RAB27B: variants seen among roughly 807,000 people sequenced by gnomAD.
RAB27B encodes RAB27B, member RAS oncogene family.
RAB27B carries 15 observed loss-of-function variants against 24.6 expected under a neutral mutation model. That is an observed-to-expected ratio of 0.61 (90% CI 0.41 to 0.94). The LOEUF (loss-of-function observed/expected upper bound fraction) is 0.94, where lower values mean the gene tolerates loss of function less well. RAB27B is among the 40% of genes least tolerant of loss of function. The pLI is 0.00. For synonymous variants in RAB27B, 105 were observed against 92.5 expected (o/e 1.14, Z -0.78); for missense variants, 261 against 266.8 (o/e 0.98, Z 0.15).
chr18:54,790,113 G>GA (rs1031756965), intron 2 of RAB27B, among the ~76,000 whole-genome samples: 4 of 151,170 alleles, frequency 2.6e-5, no homozygotes, highest in Non-Finnish European at 4.4e-5. Flanking sequence ...CCATTGTCAG[G>GA]AAAAAAAAGA....
At chr18:54,833,423 C>T (rs1287367268) in intron 1 of RAB27B, among the ~76,000 whole-genome samples, 1 of 151,964 alleles carries the variant, frequency 6.6e-6, no homozygotes, top group East Asian at 1.9e-4. Context: ...GGTAGGGTTT[C>T]ACCATATTGG....
chr18:54,806,961 C>T (rs1279466874), intron 2 of RAB27B, among the ~76,000 whole-genome samples: 1 of 151,940 alleles, frequency 6.6e-6, no homozygotes, highest in Non-Finnish European at 1.5e-5. Context: ...GGCTGGAGTC[C>T]AGTGGCACAA....
chr18:54,840,484 G>C (rs1911064929), intron 1 of RAB27B, among the ~76,000 whole-genome samples: 1 of 152,138 alleles, frequency 6.6e-6, no homozygotes, highest in Admixed American at 6.5e-5. Flanking sequence ...AGTTGTACAA[G>C]AAGAATTTGG....
chr18:54,775,009 G>A (rs1344080119), intron 2 of RAB27B, among the ~76,000 whole-genome samples: 1 of 152,226 alleles, frequency 6.6e-6, no homozygotes, highest in Non-Finnish European at 1.5e-5. Context: ...AAAAAAGCCT[G>A]TGTGCTGTCG....
At chr18:54,730,352 C>G (rs968540070) in intron 2 of RAB27B, among the ~76,000 whole-genome samples, 2 of 152,182 alleles carry the variant, frequency 1.3e-5, no homozygotes, top group African/African-American at 2.4e-5. Flanking sequence ...ATGGACTGCG[C>G]CTTCCGACAA....
rs79941548 is a variant in RAB27B, at chr18:54,837,538, C to A, written c.-20+8838C>A. Among the ~76,000 whole-genome samples, 1,011 of 152,080 alleles carry A rather than the reference C, an allele frequency of 6.6e-3. 6 individuals are homozygous for A. Among genetic ancestry groups the A allele is most frequent in the African/African-American group, 0.024 (982 of 41,494 alleles). ...AAGAAAATGACTCTTGAAATCTAGA[C>A]CTCTCAGGAGAGGTCAGGCTGGTGA... On this transcript the variant is annotated intron_variant, in intron 1 of 5. Coordinates refer to ENST00000262094, the MANE Select transcript of RAB27B (RefSeq NM_004163.4).
intron 2 of RAB27B, among the ~76,000 whole-genome samples, chr18:54,808,698 G>A (rs944558879): frequency 1.3e-5 from 2 of 152,158 alleles, no homozygotes; most frequent in African/African-American, 2.4e-5. Flanking sequence ...GTAAAATAAT[G>A]ATCATGTGTA....
chr18:54,871,136 C>T (rs530251117), intron 1 of RAB27B, among the ~76,000 whole-genome samples: 3 of 152,130 alleles, frequency 2.0e-5, no homozygotes, highest in Non-Finnish European at 4.4e-5. Flanking sequence ...TCAATTAATT[C>T]TAAATAGTCT....
At chr18:54,746,673 C>G (rs1294888270) in intron 2 of RAB27B, among the ~76,000 whole-genome samples, 1 of 133,942 alleles carries the variant, frequency 7.5e-6, no homozygotes, top group Non-Finnish European at 1.6e-5. Context: ...TGCTGTCCTT[C>G]TTTACTTTAA....
chr18:54,736,378 T>C (rs952146612), intron 2 of RAB27B, among the ~76,000 whole-genome samples: 8 of 152,278 alleles, frequency 5.3e-5, no homozygotes, highest in Admixed American at 2.0e-4. Context: ...GTTAACTTTA[T>C]AATAAAGAAC....
intron 2 of RAB27B, among the ~76,000 whole-genome samples, chr18:54,740,612 A>T (rs1297224593): frequency 6.6e-6 from 1 of 152,202 alleles, no homozygotes; most frequent in Non-Finnish European, 1.5e-5. Context: ...ATCATGACCT[A>T]GGAGTGGCTA....
intron 2 of RAB27B, chr18:54,745,050 C>T: frequency 5.7e-6 from 1 of 176,164 alleles, no homozygotes; most frequent in South Asian, 1.2e-4. Flanking sequence ...TATTGCTGGC[C>T]ACTTTGCTCC....
rs1598864442 is a variant in RAB27B, at chr18:54,732,574, G to GA, written c.-20+14439dup. Among the ~76,000 whole-genome samples, 3 of 151,914 alleles carry GA rather than the reference G, an allele frequency of 2.0e-5. No individual in the cohort carries two copies. In the East Asian group the frequency reaches 5.8e-4, roughly 29 times the overall value. On this transcript the variant is annotated intron_variant, in intron 2 of 4. Coordinates refer to the RAB27B transcript ENST00000586570. ...GTTTTGTTAAAATATAATTTTAAAA[G>GA]AAAAAATAATAACTCTCAGGAAATA... is the stretch of plus-strand genomic sequence containing the variant.
intron 2 of RAB27B, among the ~76,000 whole-genome samples, chr18:54,771,050 A>G (rs1292372774): frequency 6.6e-6 from 1 of 152,166 alleles, no homozygotes; most frequent in African/African-American, 2.4e-5. Flanking sequence ...GGCTCCATGC[A>G]GTATGAGGAT....
At chr18:54,747,712 C>T (rs561755257) in intron 2 of RAB27B, among the ~76,000 whole-genome samples, 7 of 152,210 alleles carry the variant, frequency 4.6e-5, no homozygotes, top group Admixed American at 2.0e-4. Flanking sequence ...CCAAAATATG[C>T]GTGGGTTTCA....
intron 1 of RAB27B, among the ~76,000 whole-genome samples, chr18:54,830,947 T>C (rs1389029446): frequency 6.6e-6 from 1 of 152,228 alleles, no homozygotes; most frequent in East Asian, 1.9e-4. Flanking sequence ...AGTTGCTTGT[T>C]CATTTGTTCA....
At chr18:54,815,554 C>T (rs8083631) in intron 2 of RAB27B, among the ~76,000 whole-genome samples, 6,250 of 152,276 alleles carry the variant, frequency 0.041, 170 homozygotes, top group Admixed American at 0.079. Context: ...CAATTCCTTA[C>T]TCTAAAATCA....
At position 54,879,355 on chromosome 18, in the gene RAB27B, G is replaced by C. The variant is rs1012724639; in HGVS notation, c.154-14G>C. ...TCCAAAGCAACCTCAACTAATGAAC[G>C]TTGTATCTTTCAGGTTTATAATGCA... On this transcript the variant is annotated splice_polypyrimidine_tract_variant and intron_variant, in intron 2 of 5. Transcript: ENST00000262094. The C allele has an allele frequency of 6.3e-7, 1 of 1,597,146 alleles. No homozygotes were observed. Among genetic ancestry groups the C allele is most frequent in the Admixed American group, 1.7e-5 (1 of 59,958 alleles).
intron 1 of RAB27B, among the ~76,000 whole-genome samples, chr18:54,861,822 T>C (rs919132212): frequency 6.6e-6 from 1 of 152,164 alleles, no homozygotes; most frequent in Non-Finnish European, 1.5e-5. Context: ...GAAAACCCAT[T>C]TTCCTGTCTT....
Sources: gnomAD v4.1 joint callset for allele counts (sites outside exome capture counted in the v4.1 genomes callset) on GRCh38, gnomAD v4.1.1 for gene constraint, MANE v1.5 for transcripts, NCBI Gene and HGNC (gene_info 2026-07-23, HGNC 2026-07-21) for gene names.